CYP4Z1: variants seen among roughly 807,000 people sequenced by gnomAD.
The protein encoded by CYP4Z1 is cytochrome P450 4Z1.
Under a neutral mutation model 54.2 loss-of-function variants are expected in CYP4Z1, and 41 were observed. The ratio of observed to expected loss-of-function variants is 0.76; its 90% confidence interval spans 0.59 to 0.98. The LOEUF (loss-of-function observed/expected upper bound fraction) is 0.98. Among genes scored for constraint, CYP4Z1 ranks in the 50% least tolerant of loss-of-function variants. The probability of loss-of-function intolerance (pLI) is 0.00; values close to 1 mark genes in which losing one functional copy is unlikely to be tolerated. For missense variants in CYP4Z1, 513 were observed against 599.0 expected (o/e 0.86, Z 1.50); for synonymous variants, 163 against 206.2 (o/e 0.79, Z 1.79).
intron 2 of CYP4Z1, among the ~76,000 whole-genome samples, chr1:47,076,649 T>C (rs1476996702): frequency 3.3e-5 from 5 of 151,512 alleles, no homozygotes; most frequent in Admixed American, 3.3e-4. Flanking sequence ...ATCGAGACCA[T>C]CCTGGCTAAC....
chr1:47,076,844 C>CAAAAAAAAAAAAAAAAAAAAAAAAAAAA (rs59854360), intron 2 of CYP4Z1, among the ~76,000 whole-genome samples: 49 of 81,408 alleles, frequency 6.0e-4, no homozygotes, highest in East Asian at 1.0e-3. Context: ...GACGCTGTCT[C>CAAAAAAAAAAAAAAAAAAAAAAAAAAAA]AAAAAAAAAA....
At chr1:47,076,720 C>G (rs1644524978) in intron 2 of CYP4Z1, among the ~76,000 whole-genome samples, 1 of 150,608 alleles carries the variant, frequency 6.6e-6, no homozygotes, top group Non-Finnish European at 1.5e-5. Flanking sequence ...TGGCGGGCTC[C>G]TGTAGTCCCA....
At chr1:47,077,848 G>T (rs1258116342) in intron 2 of CYP4Z1, among the ~76,000 whole-genome samples, 1 of 152,002 alleles carries the variant, frequency 6.6e-6, no homozygotes, top group Admixed American at 6.6e-5. Context: ...CAAACTGCTG[G>T]CTTCAAACAG....
intron 9 of CYP4Z1, among the ~76,000 whole-genome samples, chr1:47,114,165 T>G (rs1644813116): frequency 6.6e-6 from 1 of 152,214 alleles, no homozygotes; most frequent in African/African-American, 2.4e-5. Flanking sequence ...ATCTGATCTT[T>G]GACAACCTGA....
At chr1:47,115,411 T>C (rs192617459) in intron 9 of CYP4Z1, 118 bp from the exon 10 acceptor site, 5 of 850,044 alleles carry the variant, frequency 5.9e-6, no homozygotes, top group Admixed American at 5.1e-5. Context: ...CAAACCTTCA[T>C]GTTGTGCATA....
At chr1:47,113,152 T>C (rs1003635363) in intron 9 of CYP4Z1, among the ~76,000 whole-genome samples, 1 of 152,192 alleles carries the variant, frequency 6.6e-6, no homozygotes, top group Non-Finnish European at 1.5e-5. Flanking sequence ...GACACTTTGC[T>C]CCCTGAATCC....
the CYP4Z1 span, among the ~76,000 whole-genome samples, chr1:47,058,986 A>G: frequency 6.6e-6 from 1 of 152,184 alleles, no homozygotes; most frequent in Admixed American, 6.5e-5. Flanking sequence ...TCTTAATAGT[A>G]TGTATTTGCC....
intron 3 of CYP4Z1, 102 bp from the exon 4 acceptor site, chr1:47,082,232 C>A (rs1644559947): frequency 1.4e-6 from 2 of 1,424,688 alleles, no homozygotes; most frequent in South Asian, 3.0e-5. Context: ...TCCACTCTAA[C>A]TTTTCTCCAG....
intron 8 of CYP4Z1, among the ~76,000 whole-genome samples, chr1:47,101,530 T>C (rs186091277): frequency 1.3e-5 from 2 of 152,308 alleles, no homozygotes; most frequent in African/African-American, 2.4e-5. Context: ...GAGAATGTTG[T>C]TGAATTTCCA....
chr1:47,068,800 A>G, intron 2 of CYP4Z1, 37 bp downstream of exon 2: 1 of 1,604,958 alleles, frequency 6.2e-7, no homozygotes, highest in Non-Finnish European at 8.5e-7. Context: ...CAGAGCAGCA[A>G]CAAAGAGGGT....
rs1277487586 is a variant in CYP4Z1, at chr1:47,112,099, G to T, written c.1202-3430G>T. 3.9e-5 allele frequency among the ~76,000 whole-genome samples: 6 copies of T among 152,220 alleles called. No individual in the cohort carries two copies. The East Asian group carries it at 1.2e-3, about 29-fold the overall frequency. On this transcript the variant is annotated intron_variant, in intron 9 of 11. Coordinates refer to ENST00000334194, the MANE Select transcript of CYP4Z1 (RefSeq NM_178134.3). ...AAAAGAGTAAACTAAAAGGAAACAG[G>T]TGAATTAACAAAGGCGAAAGCAAAA...
intron 6 of CYP4Z1, among the ~76,000 whole-genome samples, chr1:47,092,637 G>A: frequency 6.6e-6 from 1 of 152,088 alleles, no homozygotes; most frequent in Non-Finnish European, 1.5e-5. Flanking sequence ...TCCCAATTGG[G>A]AATGGTGTTT....
At chr1:47,078,264 T>C (rs1010884129) in intron 2 of CYP4Z1, among the ~76,000 whole-genome samples, 5 of 152,186 alleles carry the variant, frequency 3.3e-5, no homozygotes, top group African/African-American at 1.2e-4. Context: ...ACAATCTCAA[T>C]TGACCTATCT....
At position 47,068,792 on chromosome 1, in the gene CYP4Z1, G is replaced by C. The variant is rs201175000; in HGVS notation, c.319+29G>C. On this transcript the variant is annotated intron_variant, in intron 2 of 11. Transcript: ENST00000334194. ...AAAACCAAGAGGGGCTCACAGTACAGAGCAGCAACAAAGAGGGTCTCAGGG... is the reference window on the plus strand; with the variant it reads ...AAAACCAAGAGGGGCTCACAGTACACAGCAGCAACAAAGAGGGTCTCAGGG... 3.7e-4 allele frequency: 595 copies of C among 1,608,330 alleles called. 2 individuals carry two copies. The East Asian group carries it at 8.5e-3, about 23-fold the overall frequency.
chr1:47,056,901 A>T, the CYP4Z1 span, among the ~76,000 whole-genome samples: 1 of 152,012 alleles, frequency 6.6e-6, no homozygotes, highest in Non-Finnish European at 1.5e-5. Flanking sequence ...TTTTAATTGG[A>T]GCATTTAGCC....
intron 10 of CYP4Z1, 72 bp from the exon 11 acceptor site, chr1:47,116,578 T>C: frequency 9.9e-7 from 1 of 1,012,756 alleles, no homozygotes; most frequent in Non-Finnish European, 1.5e-6. Context: ...GGATTTCGTT[T>C]TTGTTTTTGT....
intron 8 of CYP4Z1, among the ~76,000 whole-genome samples, chr1:47,099,842 C>T (rs1268033469): frequency 6.6e-6 from 1 of 152,202 alleles, no homozygotes; most frequent in Non-Finnish European, 1.5e-5. Context: ...ACATAGAACA[C>T]ATTCAAAAAG....
intron 4 of CYP4Z1, 88 bp downstream of exon 4, chr1:47,082,549 A>T: frequency 6.5e-7 from 1 of 1,530,630 alleles, no homozygotes; most frequent in South Asian, 1.3e-5. Flanking sequence ...TTCCCTCAGA[A>T]CCATGTTCAC....
At chr1:47,110,757 G>A (rs1251416747) in intron 9 of CYP4Z1, among the ~76,000 whole-genome samples, 1 of 151,250 alleles carries the variant, frequency 6.6e-6, no homozygotes, top group African/African-American at 2.4e-5. Flanking sequence ...ATGAAAGAAT[G>A]TGTACTGCCA....
Sources: allele counts gnomAD v4.1 joint callset (sites outside exome capture counted in the v4.1 genomes callset), GRCh38; gene constraint gnomAD v4.1.1; transcripts MANE v1.5; gene names NCBI Gene and HGNC (gene_info 2026-07-23, HGNC 2026-07-21).